The following MTMR12 variants were observed in gnomAD, a reference collection of about 807,000 sequenced individuals.
MTMR12 encodes myotubularin related protein 12.
A neutral mutation model predicts 96.7 loss-of-function variants in MTMR12; 33 were observed. The observed-to-expected ratio is 0.34, with a 90% CI of 0.26 to 0.46. The LOEUF is 0.46. Ranked by LOEUF, MTMR12 falls within the 20% of genes least tolerant of loss-of-function variation. The pLI, the probability that MTMR12 is intolerant of heterozygous loss-of-function variation, is 1.00. For synonymous variants in MTMR12, 298 were observed against 327.2 expected, an observed-to-expected ratio of 0.91 and a Z score of 0.96; for missense variants, 721 against 896.1, an observed-to-expected ratio of 0.80 and a Z score of 2.49.
At chr5:32,265,783 G>GACT (rs1374993728) in intron 6 of MTMR12, among the ~76,000 whole-genome samples, 3 of 152,112 alleles carry the variant, frequency 2.0e-5, no homozygotes, top group African/African-American at 7.2e-5. Context: ...CCCAATTAAT[G>GACT]ACTGCACCTT....
chr5:32,241,875 T>C (rs965107011), intron 12 of MTMR12, among the ~76,000 whole-genome samples, 182 bp downstream of exon 12: 79 of 152,210 alleles, frequency 5.2e-4, no homozygotes, highest in African/African-American at 1.8e-3. Context: ...TGAAAGAATT[T>C]TGTTTTAAAC....
intron 1 of MTMR12, among the ~76,000 whole-genome samples, chr5:32,281,695 T>G (rs1266968848): frequency 1.3e-5 from 2 of 149,972 alleles, no homozygotes; most frequent in Non-Finnish European, 3.0e-5. Context: ...AAGTCAGGAG[T>G]TCGAGACCAG....
intron 7 of MTMR12, among the ~76,000 whole-genome samples, chr5:32,258,137 A>C (rs929640344): frequency 6.6e-6 from 1 of 152,058 alleles, no homozygotes; most frequent in Non-Finnish European, 1.5e-5. Flanking sequence ...AAAAAAAAAA[A>C]TGCAAAACCA....
chr5:32,247,910 G>A (rs1748764139), intron 10 of MTMR12, 92 bp downstream of exon 10: 1 of 1,517,458 alleles, frequency 6.6e-7, no homozygotes, highest in African/African-American at 1.4e-5. Context: ...CTAACGTAAG[G>A]AACCCAGGGA....
At chr5:32,293,613 T>TAA (rs985895385) in intron 1 of MTMR12, among the ~76,000 whole-genome samples, 1 of 152,198 alleles carries the variant, frequency 6.6e-6, no homozygotes, top group African/African-American at 2.4e-5. Context: ...TAATACAGGC[T>TAA]AACACTCACT....
chr5:32,297,840 CCAAA>C (rs1304735740), intron 1 of MTMR12, among the ~76,000 whole-genome samples: 9 of 152,198 alleles, frequency 5.9e-5, no homozygotes, highest in Non-Finnish European at 1.0e-4. Flanking sequence ...CCTGATCTCA[CCAAA>C]CAGTTAACTG....
In MTMR12 at chr5:32,289,148, GACA is replaced by G. The variant is rs745707297; in HGVS notation, c.82-12409_82-12407del. ...CGTAGCTACTGTAATGGATGGTAGAGACAAAGCAGCAATCAGAATAGTCTGACT... is the reference window on the plus strand; with the variant it reads ...CGTAGCTACTGTAATGGATGGTAGAGAAGCAGCAATCAGAATAGTCTGACT... On this transcript the variant is annotated intron_variant, in intron 1 of 15. Coordinates refer to ENST00000382142, the MANE Select transcript of MTMR12 (RefSeq NM_001040446.3). 1.3e-3 allele frequency among the ~76,000 whole-genome samples: 196 copies of G among 152,322 alleles called. 3 individuals carry two copies. The highest frequency in any genetic ancestry group is 1.1e-3 in the Non-Finnish European group (77 of 68,036).
intron 1 of MTMR12, among the ~76,000 whole-genome samples, chr5:32,310,929 A>G (rs1029861567): frequency 2.5e-4 from 38 of 149,554 alleles, no homozygotes; most frequent in South Asian, 2.1e-4. Context: ...GCTGTAGTGC[A>G]GTGGCGCGAT....
intron 1 of MTMR12, among the ~76,000 whole-genome samples, chr5:32,298,584 T>C (rs1046752260): frequency 7.4e-4 from 113 of 152,112 alleles, no homozygotes; most frequent in African/African-American, 2.2e-3. Context: ...AAGGTACCCA[T>C]GGTGGGTATG....
chr5:32,266,371 A>G, intron 6 of MTMR12, among the ~76,000 whole-genome samples: 1 of 152,210 alleles, frequency 6.6e-6, no homozygotes, highest in East Asian at 1.9e-4. Flanking sequence ...AAGCCTTATG[A>G]CAAAGCCTTG....
rs575712945 is a variant in MTMR12 at position 32,311,839 on chromosome 5, A to G, written c.81+919T>C. Among the ~76,000 whole-genome samples, 15 of 152,318 alleles carry G rather than the reference A, an allele frequency of 9.8e-5. 1 individual carries two copies. The South Asian group carries it at 3.1e-3, about 32-fold the overall frequency. On this transcript the variant is annotated intron_variant, in intron 1 of 15. Coordinates refer to ENST00000382142, the MANE Select transcript of MTMR12 (RefSeq NM_001040446.3). ...CCTCTACCTGGACGACTCTTCTCTC[A>G]GACCTCTCGTATCTTCAAGTCTCGG...
chr5:32,312,796 C>A lies in MTMR12; in HGVS notation c.43G>T (p.Ala15Ser). Residue 15 changes from alanine to serine, a missense_variant, in exon 1 of 16, where the codon GCC becomes TCC. Transcript: ENST00000382142. This position sits in a 1 kb window ranked among gnomAD's most constrained non-coding sequence, Gnocchi z 5.0. ...GVVGGGGGTK[A>S]PKPSFVSYVR... ...TACGACACGAAGGAGGGCTTGGGGG[C>A]CTTGGTGCCGCCGCCACCGCCGACT... is the stretch of plus-strand genomic sequence containing the variant. 1 of 1,533,494 alleles carries A rather than the reference C, an allele frequency of 6.5e-7. No homozygotes were observed. Among genetic ancestry groups the A allele is most frequent in the African/African-American group, 1.4e-5 (1 of 69,882 alleles). 95.0% of individuals were successfully genotyped at this position (1,533,494 alleles called of 1,614,324 possible).
intron 10 of MTMR12, among the ~76,000 whole-genome samples, chr5:32,246,170 G>GGTTTTTTTTTTTGTTTTTTTT (rs1554056246): frequency 1.2e-5 from 1 of 82,772 alleles, no homozygotes. Flanking sequence ...TGAGTAGACA[G>GGTTTTTTTTTTTGTTTTTTTT]TTTTTTTTTT....
At chr5:32,274,166 C>T in intron 2 of MTMR12, 44 bp from the exon 3 acceptor site, 1 of 1,599,278 alleles carries the variant, frequency 6.3e-7, no homozygotes, top group Non-Finnish European at 8.5e-7. Flanking sequence ...TCTCAGGGAA[C>T]ATACGATATG....
In MTMR12 at chr5:32,264,463, C is replaced by CT. The variant is rs766108483; in HGVS notation, c.584-1222dup. ...ACCAGGTACTGTTCTGAGCATATTACTTTTTTTTTTTTTTTGAGACGGAGT... is the reference window on the plus strand; with the variant it reads ...ACCAGGTACTGTTCTGAGCATATTACTTTTTTTTTTTTTTTTGAGACGGAGT... On this transcript the variant is annotated intron_variant, in intron 6 of 15. Coordinates refer to ENST00000382142, the MANE Select transcript of MTMR12 (RefSeq NM_001040446.3). Among the ~76,000 whole-genome samples, 1,219 of 144,090 alleles carry CT rather than the reference C, an allele frequency of 8.5e-3. 8 individuals are homozygous for CT. Among genetic ancestry groups the CT allele is most frequent in the Non-Finnish European group, 0.011 (685 of 65,228 alleles). 94.5% of individuals were successfully genotyped at this position (144,090 alleles called of 152,430 possible).
In MTMR12 at chr5:32,228,648, A is replaced by G. The variant is rs542793293; in HGVS notation, c.*1130T>C. ...TATATATCACATATATATCATATAT[A>G]TATCATTTAGACAGCAGATCCAAGA... On this transcript the variant is annotated 3_prime_UTR_variant, in exon 16 of 16. Coordinates refer to ENST00000382142, the MANE Select transcript of MTMR12 (RefSeq NM_001040446.3). 3.4e-5 allele frequency: 5 copies of G among 146,098 alleles called. No homozygotes were observed. The highest frequency in any genetic ancestry group is 7.6e-5 in the African/African-American group (3 of 39,338). 9.1% of individuals were successfully genotyped at this position (146,098 alleles called of 1,614,324 possible).
At chr5:32,252,751 C>T (rs1341770044) in intron 8 of MTMR12, among the ~76,000 whole-genome samples, 1 of 152,130 alleles carries the variant, frequency 6.6e-6, no homozygotes, top group Non-Finnish European at 1.5e-5. Context: ...CCCAAAAACA[C>T]ATAGGAAGAT....
At chr5:32,305,795 C>A (rs1165796173) in intron 1 of MTMR12, among the ~76,000 whole-genome samples, 1 of 151,604 alleles carries the variant, frequency 6.6e-6, no homozygotes, top group African/African-American at 2.4e-5. Flanking sequence ...CCCAGCTACT[C>A]GGGAGGCTGA....
At chr5:32,284,001 T>C (rs1750415284) in intron 1 of MTMR12, among the ~76,000 whole-genome samples, 1 of 152,126 alleles carries the variant, frequency 6.6e-6, no homozygotes, top group Admixed American at 6.5e-5. Flanking sequence ...CTTGCTTCCT[T>C]TCAAGAGTAT....
Sources: gnomAD v4.1 joint callset for allele counts (sites outside exome capture counted in the v4.1 genomes callset) on GRCh38, gnomAD v4.1.1 for gene constraint, Gnocchi (gnomAD v3.1) non-coding constraint, MANE v1.5 for transcripts, NCBI Gene and HGNC (gene_info 2026-07-23, HGNC 2026-07-21) for gene names.